The following TRIM44 variants were observed in gnomAD, a reference collection of about 807,000 sequenced individuals.
TRIM44 encodes the protein tripartite motif containing 44.
Under a neutral mutation model 37.4 loss-of-function variants are expected in TRIM44, and 13 were observed. The observed-to-expected ratio is 0.35, with a 90% CI of 0.23 to 0.55. The LOEUF (loss-of-function observed/expected upper bound fraction) is 0.55. Among genes scored for constraint, TRIM44 ranks in the 20% least tolerant of loss-of-function variants. The pLI, the probability that TRIM44 is intolerant of heterozygous loss-of-function variation, is 0.89. For synonymous variants in TRIM44, 175 were observed against 157.2 expected (o/e 1.11, Z -0.85); for missense variants, 426 against 437.2 (o/e 0.97, Z 0.23).
intron 1 of TRIM44, among the ~76,000 whole-genome samples, chr11:35,682,443 C>G (rs1433629635): frequency 6.6e-6 from 1 of 152,044 alleles, no homozygotes; most frequent in Non-Finnish European, 1.5e-5. Context: ...TGGACTCTTG[C>G]CCCAGCTCTG....
intron 4 of TRIM44, among the ~76,000 whole-genome samples, chr11:35,787,876 TACC>T (rs1305725557): frequency 6.6e-6 from 1 of 152,192 alleles, no homozygotes; most frequent in East Asian, 1.9e-4. Flanking sequence ...ATTCAGTGTC[TACC>T]ACTGTTCACA....
At chr11:35,695,415 C>T (rs1851685034) in intron 2 of TRIM44, among the ~76,000 whole-genome samples, 1 of 152,090 alleles carries the variant, frequency 6.6e-6, no homozygotes, top group Admixed American at 6.5e-5. Flanking sequence ...GCTGATTTTG[C>T]ATTAAAATCT....
intron 2 of TRIM44, among the ~76,000 whole-genome samples, chr11:35,710,733 C>T (rs1401460690): frequency 2.0e-5 from 3 of 152,160 alleles, no homozygotes; most frequent in Non-Finnish European, 2.9e-5. Context: ...TGGAGATTTC[C>T]TTTACAGATG....
intron 2 of TRIM44, among the ~76,000 whole-genome samples, chr11:35,723,991 T>C (rs1422738546): frequency 6.6e-6 from 1 of 152,184 alleles, no homozygotes; most frequent in African/African-American, 2.4e-5. Flanking sequence ...GTTCTCAATC[T>C]GATACAGAAT....
At chr11:35,724,526 A>G (rs1198647172) in intron 2 of TRIM44, among the ~76,000 whole-genome samples, 1 of 152,126 alleles carries the variant, frequency 6.6e-6, no homozygotes, top group Non-Finnish European at 1.5e-5. Context: ...TCTCAGCTAC[A>G]CTCATAATAT....
At chr11:35,673,989 A>G (rs1851431294) in intron 1 of TRIM44, among the ~76,000 whole-genome samples, 2 of 152,066 alleles carry the variant, frequency 1.3e-5, no homozygotes, top group African/African-American at 4.8e-5. Flanking sequence ...TGAGAGGACC[A>G]GCCGAGTTTC....
chr11:35,748,148 G>A (rs1010794236), intron 4 of TRIM44, among the ~76,000 whole-genome samples: 1 of 152,112 alleles, frequency 6.6e-6, no homozygotes, highest in Admixed American at 6.5e-5. Flanking sequence ...GGGGCCACAT[G>A]AATGACTACC....
intron 4 of TRIM44, among the ~76,000 whole-genome samples, chr11:35,791,092 A>C (rs1853203568): frequency 6.6e-6 from 1 of 152,270 alleles, no homozygotes; most frequent in Admixed American, 6.5e-5. Flanking sequence ...ACTCCTGGAC[A>C]AGTGAGTCTG....
chr11:35,804,569 G>C (rs1853423485), intron 4 of TRIM44, among the ~76,000 whole-genome samples: 1 of 152,206 alleles, frequency 6.6e-6, no homozygotes, highest in Non-Finnish European at 1.5e-5. Flanking sequence ...ACTGACAAGA[G>C]AACAATGAGA....
At chr11:35,705,207 G>C (rs1261453841) in intron 2 of TRIM44, among the ~76,000 whole-genome samples, 1 of 151,246 alleles carries the variant, frequency 6.6e-6, no homozygotes, top group Non-Finnish European at 1.5e-5. Flanking sequence ...AACAAGAAGA[G>C]CTAACTATCC....
chr11:35,716,553 C>T (rs1281258611), intron 2 of TRIM44, among the ~76,000 whole-genome samples: 3 of 152,264 alleles, frequency 2.0e-5, no homozygotes, highest in East Asian at 3.9e-4. Context: ...TGTGGGATAG[C>T]CTCTGACCTT....
chr11:35,798,162 A>G (rs548459564), intron 4 of TRIM44, among the ~76,000 whole-genome samples: 2 of 152,312 alleles, frequency 1.3e-5, no homozygotes, highest in South Asian at 2.1e-4. Context: ...TAAAGGACAA[A>G]TGGTTGCATT....
At chr11:35,759,501 G>A (rs1295862391) in intron 4 of TRIM44, among the ~76,000 whole-genome samples, 2 of 152,120 alleles carry the variant, frequency 1.3e-5, no homozygotes, top group African/African-American at 2.4e-5. Flanking sequence ...CTCTCAACTC[G>A]TCAAAGTCAT....
At chr11:35,702,480 A>AT (rs1851802835) in intron 2 of TRIM44, among the ~76,000 whole-genome samples, 1 of 152,124 alleles carries the variant, frequency 6.6e-6, no homozygotes, top group African/African-American at 2.4e-5. Context: ...ATCAGTGGAC[A>AT]TTTTTGTGTT....
intron 4 of TRIM44, among the ~76,000 whole-genome samples, chr11:35,786,236 A>G (rs1424898521): frequency 6.6e-6 from 1 of 152,234 alleles, no homozygotes; most frequent in Non-Finnish European, 1.5e-5. Context: ...ACTCTATTAC[A>G]TAGGTCTTAC....
intron 4 of TRIM44, among the ~76,000 whole-genome samples, chr11:35,800,723 T>C (rs1396840401): frequency 6.6e-6 from 1 of 152,106 alleles, no homozygotes; most frequent in South Asian, 2.1e-4. Flanking sequence ...GGTGATGGGA[T>C]AGAGAGGGGC....
chr11:35,711,590 TA>T (rs1253972179), intron 2 of TRIM44, among the ~76,000 whole-genome samples: 1 of 151,814 alleles, frequency 6.6e-6, no homozygotes, highest in Non-Finnish European at 1.5e-5. Context: ...CCATCTCTAC[TA>T]AAAATTAAAA....
intron 3 of TRIM44, among the ~76,000 whole-genome samples, chr11:35,726,553 A>G (rs1852177586): frequency 1.3e-5 from 2 of 152,274 alleles, no homozygotes; most frequent in South Asian, 2.1e-4. Context: ...GGCCAGAATG[A>G]AAGATTTTGG....
At chr11:35,802,111 G>C (rs1405693475) in intron 4 of TRIM44, among the ~76,000 whole-genome samples, 8 of 152,076 alleles carry the variant, frequency 5.3e-5, no homozygotes. Flanking sequence ...AATTTTGGTG[G>C]TCAAACCATC....
Sources: gnomAD v4.1 joint callset for allele counts (sites outside exome capture counted in the v4.1 genomes callset) on GRCh38, gnomAD v4.1.1 for gene constraint, MANE v1.5 for transcripts, NCBI Gene and HGNC (gene_info 2026-07-23, HGNC 2026-07-21) for gene names.